The following SCFD2 variants were observed in gnomAD, a reference collection of about 807,000 sequenced individuals.
SCFD2 encodes sec1 family domain containing 2, also known as sec1 family domain-containing protein 2.
A neutral mutation model predicts 58.9 loss-of-function variants in SCFD2; 54 were observed. That is an observed-to-expected ratio of 0.92 (90% CI 0.74 to 1.15). The LOEUF is 1.15. Among genes scored for constraint, SCFD2 ranks in the 50% most tolerant of loss-of-function variants. The probability of loss-of-function intolerance (pLI) is 0.00; values close to 1 mark genes in which losing one functional copy is unlikely to be tolerated. For missense variants in SCFD2, 805 were observed against 836.6 expected (o/e 0.96, Z 0.47); for synonymous variants, 321 against 335.9 (o/e 0.96, Z 0.49).
chr4:52,888,597 A>G (rs1718807030), intron 7 of SCFD2, among the ~76,000 whole-genome samples: 1 of 152,136 alleles, frequency 6.6e-6, no homozygotes, highest in African/African-American at 2.4e-5. Context: ...CTAACCTGAC[A>G]TTTCTATGGC....
chr4:53,305,442 C>T lies in SCFD2; in HGVS notation c.1135+8194G>A, dbSNP rs530828168. Among the ~76,000 whole-genome samples, 27 of 152,160 alleles carry T rather than the reference C, an allele frequency of 1.8e-4. No individual in the cohort carries two copies. The South Asian group carries it at 4.6e-3, about 26-fold the overall frequency. On this transcript the variant is annotated intron_variant, in intron 3 of 8. Transcript: ENST00000401642. Reference sequence around the variant, plus strand: ...ATCTTGATGCCCTTGTCAAATATTTCGTGTACAGGATCTATTACATAATAA... The same window carrying T: ...ATCTTGATGCCCTTGTCAAATATTTTGTGTACAGGATCTATTACATAATAA...
chr4:53,008,026 G>GTC (rs1398024809), intron 5 of SCFD2, among the ~76,000 whole-genome samples: 1 of 152,198 alleles, frequency 6.6e-6, no homozygotes, highest in Non-Finnish European at 1.5e-5. Flanking sequence ...ATCAGTCAAA[G>GTC]TCTCTGCAGG....
chr4:53,111,974 T>G (rs1725184969), intron 5 of SCFD2, among the ~76,000 whole-genome samples: 1 of 152,042 alleles, frequency 6.6e-6, no homozygotes, highest in African/African-American at 2.4e-5. Context: ...GAGCAGGAAT[T>G]AGTCAAAGAT....
At chr4:52,980,927 T>C (rs1420578200) in intron 5 of SCFD2, among the ~76,000 whole-genome samples, 1 of 152,158 alleles carries the variant, frequency 6.6e-6, no homozygotes, top group Non-Finnish European at 1.5e-5. Context: ...CATTTGCTTA[T>C]TACATAGCCT....
Position 53,284,138 on chromosome 4 carries a change from CATGTAATGAAGCATTACATGCATA to C in SCFD2, c.1136-10161_1136-10138del, listed in dbSNP as rs1200633060. Among the ~76,000 whole-genome samples, 558 of 147,024 alleles carry C rather than the reference CATGTAATGAAGCATTACATGCATA, an allele frequency of 3.8e-3. 3 individuals are homozygous for C. The highest frequency in any genetic ancestry group is 0.013 in the African/African-American group (530 of 39,880). On this transcript the variant is annotated intron_variant, in intron 3 of 8. Transcript: ENST00000401642. ...CATCTCAAAAAAAAAAAAAAAAATG[CATGTAATGAAGCATTACATGCATA>C]ATGTAATGTATGATTGATAAGTTTC...
intron 2 of SCFD2, among the ~76,000 whole-genome samples, chr4:53,334,297 C>A (rs1373287711): frequency 6.6e-6 from 1 of 152,186 alleles, no homozygotes; most frequent in Non-Finnish European, 1.5e-5. Flanking sequence ...AAGACACAAG[C>A]ACACGTATGT....
intron 5 of SCFD2, among the ~76,000 whole-genome samples, chr4:52,987,057 T>A (rs917067136): frequency 2.6e-5 from 4 of 151,974 alleles, no homozygotes; most frequent in African/African-American, 9.7e-5. Flanking sequence ...TGAGACGGAG[T>A]CTCGCTCCGT....
intron 3 of SCFD2, among the ~76,000 whole-genome samples, chr4:53,303,654 T>G (rs913655035): frequency 2.0e-5 from 3 of 152,094 alleles, no homozygotes; most frequent in Non-Finnish European, 4.4e-5. Flanking sequence ...CATGCACATG[T>G]ATGTTTATTG....
rs192547721 is a variant in SCFD2 at position 52,900,972 on chromosome 4, G to A, written c.1842+6485C>T. ...GTGGGATATAATCTCCTGGTGTGCC[G>A]TTTGTTAAGCCCATTGGAAGAGCAC... is the stretch of plus-strand genomic sequence containing the variant. On this transcript the variant is annotated intron_variant, in intron 7 of 8. Coordinates refer to ENST00000401642, the MANE Select transcript of SCFD2 (RefSeq NM_152540.4). Among the ~76,000 whole-genome samples the A allele has an allele frequency of 2.5e-4, 38 of 152,322 alleles. 1 individual carries two copies. The highest frequency in any genetic ancestry group is 7.7e-4 in the African/African-American group (32 of 41,574).
chr4:53,345,566 A>G (rs1734031231), intron 2 of SCFD2, among the ~76,000 whole-genome samples: 1 of 152,212 alleles, frequency 6.6e-6, no homozygotes, highest in Non-Finnish European at 1.5e-5. Flanking sequence ...AGGAGTAGAA[A>G]TACCATTTGA....
At chr4:53,318,976 G>A (rs796702089) in intron 2 of SCFD2, among the ~76,000 whole-genome samples, 19 of 152,232 alleles carry the variant, frequency 1.2e-4, no homozygotes, top group African/African-American at 4.6e-4. Context: ...ATCTTTAAAA[G>A]GCAAAATCAC....
At chr4:53,222,051 CT>C (rs1490003406) in intron 4 of SCFD2, among the ~76,000 whole-genome samples, 1 of 152,246 alleles carries the variant, frequency 6.6e-6, no homozygotes, top group Non-Finnish European at 1.5e-5. Context: ...TTCCATTAGG[CT>C]TATGACTAAA....
At chr4:53,099,807 G>A (rs1323620545) in intron 5 of SCFD2, among the ~76,000 whole-genome samples, 1 of 152,038 alleles carries the variant, frequency 6.6e-6, no homozygotes, top group Non-Finnish European at 1.5e-5. Context: ...TCCAACACCG[G>A]GGATCAAATT....
chr4:52,949,382 A>ACTG (rs1371153031), intron 5 of SCFD2: 5 of 152,160 alleles, frequency 3.3e-5, no homozygotes, highest in Non-Finnish European at 5.9e-5. Context: ...GAGCTCAGGG[A>ACTG]CTGCACAGGC....
chr4:53,144,430 ATATAT>A (rs1040630199), intron 5 of SCFD2, among the ~76,000 whole-genome samples: 4 of 149,132 alleles, frequency 2.7e-5, no homozygotes, highest in Admixed American at 6.7e-5. Flanking sequence ...TATATATGAT[ATATAT>A]TATATGTACA....
chr4:53,249,380 CT>C (rs1455512046), intron 4 of SCFD2, among the ~76,000 whole-genome samples: 2 of 152,200 alleles, frequency 1.3e-5, no homozygotes, highest in Non-Finnish European at 2.9e-5. Flanking sequence ...GCAAAATACG[CT>C]GCAGGATATT....
chr4:52,989,497 T>G (rs1238286958), intron 5 of SCFD2, among the ~76,000 whole-genome samples: 1 of 152,230 alleles, frequency 6.6e-6, no homozygotes, highest in Non-Finnish European at 1.5e-5. Flanking sequence ...AAAGACACTC[T>G]GTAATTTTCC....
chr4:53,064,258 C>T (rs968276482), intron 5 of SCFD2, among the ~76,000 whole-genome samples: 1 of 152,006 alleles, frequency 6.6e-6, no homozygotes, highest in African/African-American at 2.4e-5. Flanking sequence ...AGTCTTTTAA[C>T]CCTTGCTCTC....
At chr4:52,880,819 C>A (rs1264862400) in intron 8 of SCFD2, among the ~76,000 whole-genome samples, 1 of 152,176 alleles carries the variant, frequency 6.6e-6, no homozygotes, top group African/African-American at 2.4e-5. Context: ...CTGTTATTTT[C>A]TTCTTACAAT....
Sources: gnomAD v4.1 joint callset for allele counts (sites outside exome capture counted in the v4.1 genomes callset) on GRCh38, gnomAD v4.1.1 for gene constraint, MANE v1.5 for transcripts, NCBI Gene and HGNC (gene_info 2026-07-23, HGNC 2026-07-21) for gene names.